AHCYL2: variants seen among roughly 807,000 people sequenced by gnomAD.
The protein encoded by AHCYL2 is S-adenosylhomocysteine hydrolase-like protein 2.
In AHCYL2, 28 loss-of-function variants were observed where a neutral mutation model predicts 81.4. That is an observed-to-expected ratio of 0.34 (90% CI 0.25 to 0.47). The LOEUF (loss-of-function observed/expected upper bound fraction) is 0.47, where lower values mean the gene tolerates loss of function less well. Ranked by LOEUF, AHCYL2 falls within the 20% of genes least tolerant of loss-of-function variation. The pLI, the probability that AHCYL2 is intolerant of heterozygous loss-of-function variation, is 1.00. For missense variants in AHCYL2, 551 were observed against 785.1 expected, an observed-to-expected ratio of 0.70 and a Z score of 3.56; for synonymous variants, 272 against 290.2, an observed-to-expected ratio of 0.94 and a Z score of 0.64.
intron 1 of AHCYL2, among the ~76,000 whole-genome samples, chr7:129,239,447 A>G (rs1274165620): frequency 7.3e-6 from 1 of 137,150 alleles, no homozygotes; most frequent in Non-Finnish European, 1.6e-5. Flanking sequence ...TTTTTTTTTT[A>G]GAGATGGGGG....
intron 1 of AHCYL2, among the ~76,000 whole-genome samples, chr7:129,365,963 T>C (rs1045791744): frequency 2.0e-5 from 3 of 152,102 alleles, no homozygotes; most frequent in Non-Finnish European, 4.4e-5. Context: ...AAATACACCA[T>C]TGGCAATTTA....
chr7:129,255,654 G>C (rs1460574673), intron 1 of AHCYL2, among the ~76,000 whole-genome samples: 1 of 152,208 alleles, frequency 6.6e-6, no homozygotes, highest in Non-Finnish European at 1.5e-5. Flanking sequence ...GATAGGCCTG[G>C]GTTGATGAAC....
chr7:129,230,079 C>CTTTT lies in AHCYL2; in HGVS notation c.363+4660_363+4663dup, dbSNP rs35056717. 9.6e-4 allele frequency among the ~76,000 whole-genome samples: 105 copies of CTTTT among 109,420 alleles called. 1 individual carries two copies. The highest frequency in any genetic ancestry group is 1.4e-3 in the Non-Finnish European group (73 of 53,838). The allele number at this position is 109,420 out of a possible 152,430, so 71.8% of individuals were successfully genotyped here. A position where few individuals can be genotyped will look rare whatever the true frequency, so the allele number is the denominator to read the frequency against. ...TTTACATATACTGTTTTATTTAATT[C>CTTTT]TTTTTTTTTTTTTTTTTTTTTTTGA... On this transcript the variant is annotated intron_variant, in intron 1 of 16. Coordinates refer to ENST00000325006, the MANE Select transcript of AHCYL2 (RefSeq NM_015328.4).
intron 1 of AHCYL2, among the ~76,000 whole-genome samples, chr7:129,313,388 T>C (rs568913792): frequency 6.6e-6 from 1 of 152,322 alleles, no homozygotes; most frequent in South Asian, 2.1e-4. Context: ...GCAATGTAGA[T>C]TTATTGCTTA....
chr7:129,255,604 G>A (rs771647289), intron 1 of AHCYL2, among the ~76,000 whole-genome samples: 3 of 152,220 alleles, frequency 2.0e-5, no homozygotes, highest in African/African-American at 4.8e-5. Context: ...GCGTGCGCAC[G>A]CGCATGTTTA....
chr7:129,294,094 T>C (rs1760767333), intron 1 of AHCYL2, among the ~76,000 whole-genome samples: 1 of 152,240 alleles, frequency 6.6e-6, no homozygotes, highest in African/African-American at 2.4e-5. Context: ...TTCTCTTCTT[T>C]ATTGGGAGAC....
At chr7:129,271,856 GA>G (rs1796030354) in intron 1 of AHCYL2, among the ~76,000 whole-genome samples, 2 of 152,200 alleles carry the variant, frequency 1.3e-5, no homozygotes, top group Non-Finnish European at 2.9e-5. Flanking sequence ...TACACTTATT[GA>G]AACAAAGACA....
At chr7:129,332,758 A>T (rs1372096541) in intron 1 of AHCYL2, among the ~76,000 whole-genome samples, 1 of 152,164 alleles carries the variant, frequency 6.6e-6, no homozygotes, top group Non-Finnish European at 1.5e-5. Flanking sequence ...TTGCCATGTA[A>T]ACCAAATAAA....
chr7:129,414,481 C>T (rs1408506321), intron 12 of AHCYL2, among the ~76,000 whole-genome samples: 1 of 133,490 alleles, frequency 7.5e-6, no homozygotes, highest in Non-Finnish European at 1.5e-5. Flanking sequence ...AGTGCAGTGG[C>T]GCGGTCTCGG....
chr7:129,413,613 C>T lies in AHCYL2; in HGVS notation c.1386C>T (p.Thr462=), dbSNP rs139160559. 1.2e-6 allele frequency: 2 copies of T among 1,613,934 alleles called. No individual in the cohort carries two copies. The highest frequency in any genetic ancestry group is 1.3e-5 in the African/African-American group (1 of 74,904). The part of the protein sequence containing the change: ...ITCTGNKNVV[T]REHLDRMKNS... ...TTTAAGGTAACAAGAATGTGGTAAC[C>T]AGAGAGCACTTGGACCGTATGAAGA... Residue 462 remains threonine, a synonymous_variant, in exon 12 of 17, where the codon ACC becomes ACT. Coordinates refer to ENST00000325006, the MANE Select transcript of AHCYL2 (RefSeq NM_015328.4).
chr7:129,290,551 T>C (rs1462815295), intron 1 of AHCYL2, among the ~76,000 whole-genome samples: 1 of 150,982 alleles, frequency 6.6e-6, no homozygotes, highest in Non-Finnish European at 1.5e-5. Flanking sequence ...CAAAGTCCAG[T>C]ATTACTTTCC....
chr7:129,389,421 G>A (rs1313123765), intron 3 of AHCYL2, among the ~76,000 whole-genome samples: 1 of 149,572 alleles, frequency 6.7e-6, no homozygotes, highest in Non-Finnish European at 1.5e-5. Context: ...GACTGGATAA[G>A]GACTGGAATA....
chr7:129,350,762 C>T (rs1186317581), intron 1 of AHCYL2, among the ~76,000 whole-genome samples: 2 of 139,822 alleles, frequency 1.4e-5, no homozygotes, highest in African/African-American at 5.3e-5. Flanking sequence ...TGCTCTGTTA[C>T]TCAGGCTCTC....
Position 129,373,496 on chromosome 7 carries a change from A to T in AHCYL2, c.364-6142A>T, listed in dbSNP as rs539344395. Among the ~76,000 whole-genome samples the T allele has an allele frequency of 1.8e-3, 268 of 152,096 alleles. 3 individuals carry two copies. The highest frequency in any genetic ancestry group is 2.8e-3 in the Non-Finnish European group (191 of 67,968). ...GCGCCTGTAGTCCCAGCTACTCGGG[A>T]GACTGAGGCAGGAGAATCACTTGAC... On this transcript the variant is annotated intron_variant, in intron 1 of 16. Coordinates refer to ENST00000325006, the MANE Select transcript of AHCYL2 (RefSeq NM_015328.4).
Position 129,427,836 on chromosome 7 carries a change from C to T in AHCYL2, c.*791C>T, listed in dbSNP as rs2150974582. 1 of 152,782 alleles carries T rather than the reference C, an allele frequency of 6.5e-6. No individual in the cohort carries two copies. The highest frequency in any genetic ancestry group is 2.4e-5 in the African/African-American group (1 of 41,580). The allele number at this position is 152,782 out of a possible 1,614,324, so 9.5% of individuals were successfully genotyped here. On this transcript the variant is annotated 3_prime_UTR_variant, in exon 17 of 17. Coordinates refer to ENST00000325006, the MANE Select transcript of AHCYL2 (RefSeq NM_015328.4). This position sits in a 1 kb window ranked among gnomAD's most constrained non-coding sequence, Gnocchi z 5.5. ...AGCTCCACTGGGACCCATAGTTTTA[C>T]TTCCTTGTCATTTGATTGGATAGTT...
At position 129,422,913 on chromosome 7, in the gene AHCYL2, G is replaced by A. The variant is rs1354315143; in HGVS notation, c.1535G>A (p.Gly512Asp). Residue 512 changes from glycine to aspartate, a missense_variant, in exon 13 of 17, where the codon GGC (glycine) becomes GAC (aspartate). This residue lies in a region of AHCYL2 where 316 missense variants were observed against 543.1 expected (regional missense o/e 0.58). Transcript: ENST00000325006. ...GTTGACCATGTGATATGGCCTGATG[G>A]CAAGAGGATAGTACTGCTGGCAGAG... ...SQVDHVIWPDGKRIVLLAEGR... is the reference protein window; with the variant it reads ...SQVDHVIWPDDKRIVLLAEGR... 1 of 1,613,990 alleles carries A rather than the reference G, an allele frequency of 6.2e-7. No homozygotes were observed. The highest frequency in any genetic ancestry group is 1.1e-5 in the South Asian group (1 of 91,080).
At chr7:129,413,273 C>T (rs971359266) in intron 11 of AHCYL2, among the ~76,000 whole-genome samples, 4 of 151,656 alleles carry the variant, frequency 2.6e-5, no homozygotes, top group Non-Finnish European at 4.4e-5. Flanking sequence ...TCCTAAGTAG[C>T]TGGGACTAAA....
chr7:129,302,706 C>T (rs1797295750), intron 1 of AHCYL2, among the ~76,000 whole-genome samples: 3 of 152,156 alleles, frequency 2.0e-5, no homozygotes, highest in Admixed American at 2.0e-4. Context: ...CCTTGGGATA[C>T]ATCTCACTTG....
chr7:129,230,069 T>A (rs113007242), intron 1 of AHCYL2, among the ~76,000 whole-genome samples: 2 of 151,638 alleles, frequency 1.3e-5, no homozygotes, highest in South Asian at 2.1e-4. Flanking sequence ...ATATACTGTT[T>A]TATTTAATTC....
Sources: allele counts gnomAD v4.1 joint callset (sites outside exome capture counted in the v4.1 genomes callset), GRCh38; gene constraint gnomAD v4.1.1; regional missense constraint gnomAD v4.1.1; non-coding constraint Gnocchi (gnomAD v3.1); transcripts MANE v1.5; gene names NCBI Gene and HGNC (gene_info 2026-07-23, HGNC 2026-07-21).